Variants in KLK9 observed in about 807,000 individuals in gnomAD.
KLK9 encodes kallikrein related peptidase 9.
A neutral mutation model predicts 23.3 loss-of-function variants in KLK9; 26 were observed. That is an observed-to-expected ratio of 1.12 (90% CI 0.82 to 1.55). The LOEUF is 1.55. Ranked by LOEUF, KLK9 falls within the 40% of genes most tolerant of loss-of-function variation. KLK9 has a pLI of 0.00. For missense variants in KLK9, 346 were observed against 333.7 expected (o/e 1.04, Z -0.29); for synonymous variants, 122 against 128.5 (o/e 0.95, Z 0.34).
Position 51,003,071 on chromosome 19 carries a change from C to A in KLK9, c.*40G>T, listed in dbSNP as rs756861651. The A allele has an allele frequency of 6.3e-7, 1 of 1,581,722 alleles. No individual in the cohort carries two copies. The highest frequency in any genetic ancestry group is 8.6e-7 in the Non-Finnish European group (1 of 1,161,438). On this transcript the variant is annotated 3_prime_UTR_variant, in exon 5 of 5. Transcript: ENST00000594211. ...GAACCCCCTACCCCGTGCCCTTCGG[C>A]CTCTCTTGGTCTTCCAAGGTGCCCC...
rs752152314 is a variant in KLK9 at position 51,006,693 on chromosome 19, G to A, written c.231C>T (p.His77=). 6 of 1,604,658 alleles carry A rather than the reference G, an allele frequency of 3.7e-6. No individual in the cohort carries two copies. Among genetic ancestry groups the A allele is most frequent in the Admixed American group, 3.4e-5 (2 of 59,418 alleles). The change falls in exon 3 of 5, where the codon CAC becomes CAT. Residue 77 remains histidine, a synonymous_variant. Coordinates refer to ENST00000594211, the MANE Select transcript of KLK9 (RefSeq NM_012315.2). This position sits in a 1 kb window ranked among gnomAD's most constrained non-coding sequence, Gnocchi z 4.1. ...PYLWVRLGEH[H]LWKWEGPEQL... ...GCTCCGGACCCTCCCATTTCCAGAG[G>A]TGGTGCTCTCCAAGGCGGACCCACA... is the stretch of plus-strand genomic sequence containing the variant.
At position 51,002,588 on chromosome 19, in the gene KLK9, C is replaced by T. The variant is rs1165633031; in HGVS notation, c.*523G>A. 6.5e-6 allele frequency: 1 copy of T among 153,514 alleles called. No individual in the cohort carries two copies. Among genetic ancestry groups the T allele is most frequent in the African/African-American group, 2.4e-5 (1 of 41,498 alleles). 9.5% of individuals were successfully genotyped at this position (153,514 alleles called of 1,614,324 possible). ...GTATCCAGACCCTCCCTCAATTTCC[C>T]CCCAGGTCTCCGCCAGGATTCAAAC... On this transcript the variant is annotated 3_prime_UTR_variant, in exon 5 of 5. Coordinates refer to ENST00000594211, the MANE Select transcript of KLK9 (RefSeq NM_012315.2).
intron 4 of KLK9, 64 bp downstream of exon 4, chr19:51,003,640 C>T: frequency 6.8e-7 from 1 of 1,460,452 alleles, no homozygotes; most frequent in Non-Finnish European, 9.4e-7. Context: ...GCCGACCCCT[C>T]TGCTCCCCTA....
chr19:51,002,919 G>C lies in KLK9; in HGVS notation c.*192C>G, dbSNP rs2091239107. 2 of 647,784 alleles carry C rather than the reference G, an allele frequency of 3.1e-6. No individual in the cohort carries two copies. Among genetic ancestry groups the C allele is most frequent in the Non-Finnish European group, 5.2e-6 (2 of 384,460 alleles). The allele number at this position is 647,784 out of a possible 1,614,324, so 40.1% of individuals were successfully genotyped here. A position where few individuals can be genotyped will look rare whatever the true frequency, so the allele number is the denominator to read the frequency against. ...GGCGTGTCCCTGCTCCGTTCCGAGG[G>C]GGCGCGACTGTGTCTTGCTTGACCT... On this transcript the variant is annotated 3_prime_UTR_variant, in exon 5 of 5. Transcript: ENST00000594211.
intron 3 of KLK9, among the ~76,000 whole-genome samples, chr19:51,005,035 G>C (rs968967407): frequency 6.6e-6 from 1 of 152,088 alleles, no homozygotes; most frequent in South Asian, 2.1e-4. Context: ...TTGGCTGAAG[G>C]GGGCAGCCTC....
At chr19:51,003,366 A>G in intron 4 of KLK9, 106 bp from the exon 5 acceptor site, 7 of 1,233,896 alleles carry the variant, frequency 5.7e-6, no homozygotes, top group South Asian at 1.6e-5. Context: ...TCCTCCTCCA[A>G]CATCCGAGAG....
chr19:51,003,292 A>G, intron 4 of KLK9, 32 bp from the exon 5 acceptor site: 13 of 1,598,212 alleles, frequency 8.1e-6, no homozygotes, highest in Non-Finnish European at 1.1e-5. Context: ...AGGAACTGTT[A>G]GGCCACTCTG....
Position 51,002,950 on chromosome 19 carries a change from G to A in KLK9, c.*161C>T, listed in dbSNP as rs991159858. The A allele has an allele frequency of 2.4e-5, 20 of 843,332 alleles. No individual in the cohort carries two copies. The South Asian group carries it at 4.0e-4, about 17-fold the overall frequency. 52.2% of individuals were successfully genotyped at this position (843,332 alleles called of 1,614,324 possible). ...GACTGTGTCTTGCTTGACCTCGTGAGGGGGCGGAGCCTCAGGGGCGGAGTC... is the reference window on the plus strand; with the variant it reads ...GACTGTGTCTTGCTTGACCTCGTGAAGGGGCGGAGCCTCAGGGGCGGAGTC... On this transcript the variant is annotated 3_prime_UTR_variant, in exon 5 of 5. Transcript: ENST00000594211.
chr19:51,006,348 T>C lies in KLK9; in HGVS notation c.466+110A>G. The C allele has an allele frequency of 5.6e-6, 6 of 1,079,804 alleles. No homozygotes were observed. The highest frequency in any genetic ancestry group is 7.8e-6 in the Non-Finnish European group (6 of 770,266). 66.9% of individuals were successfully genotyped at this position (1,079,804 alleles called of 1,614,324 possible). A position where few individuals can be genotyped will look rare whatever the true frequency, so the allele number is the denominator to read the frequency against. Reference sequence around the variant, plus strand: ...TTAAATATATCGATTGGCAGATAGATAGACTGACAGAGAGAGAGAGGAGAG... The same window carrying C: ...TTAAATATATCGATTGGCAGATAGACAGACTGACAGAGAGAGAGAGGAGAG... On this transcript the variant is annotated intron_variant, in intron 3 of 4. Coordinates refer to ENST00000594211, the MANE Select transcript of KLK9 (RefSeq NM_012315.2). The surrounding 1 kb of genome is among the most constrained non-coding windows in gnomAD (Gnocchi z 4.1).
Position 51,003,848 on chromosome 19 carries a change from G to A in KLK9, c.467-8C>T. 1.2e-6 allele frequency: 2 copies of A among 1,613,104 alleles called. No individual in the cohort carries two copies. Among genetic ancestry groups the A allele is most frequent in the Non-Finnish European group, 1.7e-6 (2 of 1,179,264 alleles). On this transcript the variant is annotated splice_polypyrimidine_tract_variant and splice_region_variant and intron_variant, in intron 3 of 4. Coordinates refer to ENST00000594211, the MANE Select transcript of KLK9 (RefSeq NM_012315.2). ...GTGTGACTGGAAACAGCGCTGTCAG[G>A]GAAGAGAACTGTCAAGGATCTGCAA...
chr19:51,003,168 T>G lies in KLK9; in HGVS notation c.696A>C (p.Ala232=). 6.3e-7 allele frequency: 1 copy of G among 1,585,720 alleles called. No homozygotes were observed. Among genetic ancestry groups the G allele is most frequent in the South Asian group, 1.1e-5 (1 of 87,872 alleles). The change falls in exon 5 of 5, where the codon GCA becomes GCC. Residue 232 remains alanine, a synonymous_variant. Transcript: ENST00000594211. ...GGTAGTGGCATACGCTGGTGTAGAC[T>G]GCGGGGCGCCGGGGTCTGGAGCAGG... The part of the protein sequence containing the change: ...AEPCSRPRRP[A]VYTSVCHYLD...
chr19:51,004,049 G>A (rs1216685034), intron 3 of KLK9, among the ~76,000 whole-genome samples: 1 of 152,044 alleles, frequency 6.6e-6, no homozygotes, highest in Non-Finnish European at 1.5e-5. Flanking sequence ...GCCAAGTAGA[G>A]AGAGAGGCTG....
chr19:51,003,417 A>G (rs1374696516), intron 4 of KLK9, among the ~76,000 whole-genome samples, 157 bp from the exon 5 acceptor site: 2 of 151,960 alleles, frequency 1.3e-5, no homozygotes, highest in Admixed American at 6.6e-5. Context: ...CCCAGGAGTA[A>G]AAGCTCAGAG....
rs758452268 is a variant in KLK9 at position 51,003,249 on chromosome 19, C to T, written c.615G>A (p.Gly205=). 6.2e-7 allele frequency: 1 copy of T among 1,612,322 alleles called. No individual in the cohort carries two copies. The highest frequency in any genetic ancestry group is 8.5e-7 in the Non-Finnish European group (1 of 1,179,404). The change falls in exon 5 of 5, where the codon GGG becomes GGA. Residue 205 remains glycine, a synonymous_variant. Transcript: ENST00000594211. Reference sequence around the variant, plus strand: ...AGGTTCCATTGCAAACCAGGGGGCCCCCAGAGTCACCCTGTACGCGAGAGA... The same window carrying T: ...AGGTTCCATTGCAAACCAGGGGGCCTCCAGAGTCACCCTGTACGCGAGAGA... ...GGRGSCQGDS[G]GPLVCNGTLA...
rs202182260 is a variant in KLK9, at chr19:51,009,321, G to C, written c.62C>G (p.Thr21Ser). 3.0e-5 allele frequency: 48 copies of C among 1,589,648 alleles called. No homozygotes were observed. Among genetic ancestry groups the C allele is most frequent in the Non-Finnish European group, 3.7e-5 (43 of 1,167,846 alleles). The change falls in exon 2 of 5, where the codon ACC (threonine) becomes AGC (serine). Residue 21 changes from threonine (T) to serine (S), a missense_variant. Thr to Ser is a moderately conservative substitution (Grantham distance 58). Coordinates refer to ENST00000594211, the MANE Select transcript of KLK9 (RefSeq NM_012315.2). This position sits in a 1 kb window ranked among gnomAD's most constrained non-coding sequence, Gnocchi z 4.8. The stretch of plus-strand genomic sequence containing the variant: ...ACATTCCTCGGCCCCGATGGCACGG[G>C]TGTCTGCCCAGCCATGCCCTGGGGT... ...SLLAGHGWADTRAIGAEECRP... is the reference protein window; with the variant it reads ...SLLAGHGWADSRAIGAEECRP...
chr19:51,006,812 T>C lies in KLK9; in HGVS notation c.201-89A>G. On this transcript the variant is annotated intron_variant, in intron 2 of 4. Coordinates refer to ENST00000594211, the MANE Select transcript of KLK9 (RefSeq NM_012315.2). The surrounding 1 kb of genome is among the most constrained non-coding windows in gnomAD (Gnocchi z 4.1). ...TCTTTTCCTGTCCATCAGGGTGCTG[T>C]GTGACCCTCTGCAAGCCACACACCC... The C allele has an allele frequency of 7.3e-7, 1 of 1,374,390 alleles. No homozygotes were observed. The highest frequency in any genetic ancestry group is 9.7e-7 in the Non-Finnish European group (1 of 1,030,198). 85.1% of individuals were successfully genotyped at this position (1,374,390 alleles called of 1,614,324 possible). A position where few individuals can be genotyped will look rare whatever the true frequency, so the allele number is the denominator to read the frequency against.
intron 3 of KLK9, among the ~76,000 whole-genome samples, chr19:51,005,974 C>T (rs900726105): frequency 1.3e-5 from 2 of 150,966 alleles, no homozygotes; most frequent in Non-Finnish European, 3.0e-5. Flanking sequence ...AAAATGACCC[C>T]GGTGTGGGAT....
Position 51,009,269 on chromosome 19 carries a change from G to T in KLK9, c.114C>A (p.Ala38=), listed in dbSNP as rs760322248. Residue 38 remains alanine, a synonymous_variant, in exon 2 of 5, where the codon GCC becomes GCA. Transcript: ENST00000594211. The surrounding 1 kb of genome is among the most constrained non-coding windows in gnomAD (Gnocchi z 4.8). ...AGAGCCGAGTAAGGTGGAAGAGGCC[G>T]GCCTGCCAAGGCTGGGAGTTGGGGC... is the stretch of plus-strand genomic sequence containing the variant. ...ECRPNSQPWQ[A]GLFHLTRLFC... The T allele has an allele frequency of 3.7e-6, 6 of 1,605,938 alleles. No homozygotes were observed. Among genetic ancestry groups the T allele is most frequent in the Non-Finnish European group, 5.1e-6 (6 of 1,176,856 alleles).
chr19:51,007,015 C>T lies in KLK9; in HGVS notation c.201-292G>A, dbSNP rs757734092. On this transcript the variant is annotated intron_variant, in intron 2 of 4. Coordinates refer to ENST00000594211, the MANE Select transcript of KLK9 (RefSeq NM_012315.2). ...TGAGTGAGCCACCTTCCTCCCTACT[C>T]ACCTGGAGCCTTGGTGGTGACTTGG... 4.7e-4 allele frequency among the ~76,000 whole-genome samples: 71 copies of T among 152,026 alleles called. 5 individuals carry two copies. Among genetic ancestry groups the T allele is most frequent in the Admixed American group, 1.1e-3 (17 of 15,238 alleles).
Sources: gnomAD v4.1 joint callset for allele counts (sites outside exome capture counted in the v4.1 genomes callset) on GRCh38, gnomAD v4.1.1 for gene constraint, Gnocchi (gnomAD v3.1) non-coding constraint, MANE v1.5 for transcripts, NCBI Gene and HGNC (gene_info 2026-07-23, HGNC 2026-07-21) for gene names.